CBL: variants seen among roughly 807,000 people sequenced by gnomAD.
The protein encoded by CBL is E3 ubiquitin-protein ligase CBL.
In CBL, 45 loss-of-function variants were observed where a neutral mutation model predicts 96.9. The observed-to-expected ratio is 0.46, with a 90% confidence interval of 0.37 to 0.60. The LOEUF is 0.60. Among genes scored for constraint, CBL ranks in the 20% least tolerant of loss-of-function variants. The pLI is 0.00. For missense variants in CBL, 1,024 were observed against 1,143.5 expected, an observed-to-expected ratio of 0.90 and a Z score of 1.51; for synonymous variants, 420 against 426.8, an observed-to-expected ratio of 0.98 and a Z score of 0.20.
chr11:119,207,000 G>C (rs370372606), intron 1 of CBL, among the ~76,000 whole-genome samples: 13 of 152,170 alleles, frequency 8.5e-5, no homozygotes, highest in East Asian at 3.9e-4. Context: ...TAGCAGGGAG[G>C]GGGTGAGGAA....
intron 1 of CBL, among the ~76,000 whole-genome samples, chr11:119,221,244 GA>G (rs564217596): frequency 0.022 from 2,935 of 131,136 alleles, 45 homozygotes; most frequent in Non-Finnish European, 0.033. Flanking sequence ...CTCCATCTCA[GA>G]AAAAAAAAAA....
chr11:119,270,464 T>TTTTTTTTG (rs1949837338), intron 2 of CBL, among the ~76,000 whole-genome samples: 1 of 93,080 alleles, frequency 1.1e-5, no homozygotes, highest in Non-Finnish European at 2.1e-5. Context: ...TTTTTTTTTT[T>TTTTTTTTG]GAGACGGAGT....
chr11:119,242,044 A>G (rs1949590404), intron 2 of CBL, among the ~76,000 whole-genome samples: 1 of 152,202 alleles, frequency 6.6e-6, no homozygotes, highest in East Asian at 1.9e-4. Flanking sequence ...GAAAATAGGT[A>G]AGGTCTTGTG....
intron 1 of CBL, among the ~76,000 whole-genome samples, chr11:119,228,358 C>G (rs1949475147): frequency 6.6e-6 from 1 of 152,174 alleles, no homozygotes; most frequent in African/African-American, 2.4e-5. Context: ...AGACACAAAG[C>G]ATTTTGGGAG....
At chr11:119,232,231 C>T (rs978875200) in intron 1 of CBL, among the ~76,000 whole-genome samples, 2 of 152,146 alleles carry the variant, frequency 1.3e-5, no homozygotes, top group African/African-American at 4.8e-5. Flanking sequence ...TACCATTAGT[C>T]TCTCAAACGG....
At chr11:119,231,711 A>AAAAC (rs564610744) in intron 1 of CBL, among the ~76,000 whole-genome samples, 33 of 152,288 alleles carry the variant, frequency 2.2e-4, no homozygotes, top group African/African-American at 7.2e-4. Context: ...TCTGTCTCAA[A>AAAAC]AAACAAACAA....
At chr11:119,215,000 T>G (rs1295819792) in intron 1 of CBL, among the ~76,000 whole-genome samples, 2 of 151,978 alleles carry the variant, frequency 1.3e-5, no homozygotes, top group Non-Finnish European at 2.9e-5. Context: ...AAACATGATT[T>G]GTGTTTTATG....
chr11:119,233,473 A>T (rs1233082022), intron 2 of CBL, among the ~76,000 whole-genome samples: 1 of 152,142 alleles, frequency 6.6e-6, no homozygotes, highest in Non-Finnish European at 1.5e-5. Flanking sequence ...ACTTCAGGTG[A>T]TCTGCCCGCT....
chr11:119,245,298 TC>T (rs1334767516), intron 2 of CBL, among the ~76,000 whole-genome samples: 1 of 152,008 alleles, frequency 6.6e-6, no homozygotes, highest in Non-Finnish European at 1.5e-5. Context: ...TTTGAGGACC[TC>T]AAAGAGCTTT....
chr11:119,276,765 C>T (rs1235172968), intron 6 of CBL, among the ~76,000 whole-genome samples: 1 of 152,204 alleles, frequency 6.6e-6, no homozygotes, highest in African/African-American at 2.4e-5. Flanking sequence ...CTTTTACTTA[C>T]AATAGCATTG....
chr11:119,288,342 C>A lies in CBL; in HGVS notation c.2036+396C>A, dbSNP rs114973231. Among the ~76,000 whole-genome samples, 467 of 152,242 alleles carry A rather than the reference C, an allele frequency of 3.1e-3. 1 individual carries two copies. The highest frequency in any genetic ancestry group is 0.01 in the African/African-American group (422 of 41,548). On this transcript the variant is annotated intron_variant, in intron 12 of 15. Transcript: ENST00000264033. Reference sequence around the variant, plus strand: ...ACCACATATTGGGTGGTTTAAATAGCAGAAATTTATTTTCCCTGAGTTCTG... The same window carrying A: ...ACCACATATTGGGTGGTTTAAATAGAAGAAATTTATTTTCCCTGAGTTCTG...
intron 1 of CBL, among the ~76,000 whole-genome samples, chr11:119,224,288 TTTG>T (rs1370806432): frequency 6.6e-6 from 1 of 152,304 alleles, no homozygotes; most frequent in Non-Finnish European, 1.5e-5. Context: ...AGTTTAGTTT[TTTG>T]TTGTTGTTGA....
At chr11:119,263,646 C>T (rs369793432) in intron 2 of CBL, among the ~76,000 whole-genome samples, 2 of 152,116 alleles carry the variant, frequency 1.3e-5, no homozygotes, top group East Asian at 1.9e-4. Flanking sequence ...TGATGGTTTT[C>T]GTTTTGTTTT....
intron 9 of CBL, among the ~76,000 whole-genome samples, chr11:119,282,293 G>T (rs930956698): frequency 6.7e-6 from 1 of 149,642 alleles, no homozygotes; most frequent in Non-Finnish European, 1.5e-5. Flanking sequence ...AGCTGAGATC[G>T]CACTATTTCA....
Position 119,306,703 on chromosome 11 carries a change from G to C in CBL, c.*6922G>C. The C allele has an allele frequency of 3.8e-6, 1 of 260,580 alleles. No homozygotes were observed. Among genetic ancestry groups the C allele is most frequent in the East Asian group, 5.6e-5 (1 of 17,758 alleles). 16.1% of individuals were successfully genotyped at this position (260,580 alleles called of 1,614,324 possible). A position where few individuals can be genotyped will look rare whatever the true frequency, so the allele number is the denominator to read the frequency against. ...CATGGCCTGTTTCTCCTGCTGTCTG[G>C]GTGAGTGAGCCTGCAACGCAATGCC... On this transcript the variant is annotated 3_prime_UTR_variant, in exon 16 of 16. Transcript: ENST00000264033.
chr11:119,209,428 G>C (rs1296189523), intron 1 of CBL, among the ~76,000 whole-genome samples: 2 of 152,148 alleles, frequency 1.3e-5, no homozygotes, highest in Non-Finnish European at 2.9e-5. Context: ...GACCAGCTCT[G>C]CCAACATGGT....
At chr11:119,277,270 C>CACACACACACAT (rs993033451) in intron 6 of CBL, among the ~76,000 whole-genome samples, 1 of 151,578 alleles carries the variant, frequency 6.6e-6, no homozygotes, top group Non-Finnish European at 1.5e-5. Context: ...CACACACACA[C>CACACACACACAT]ATAAAGAATT....
chr11:119,279,885 TAAG>T (rs1386295156), intron 9 of CBL, among the ~76,000 whole-genome samples: 1 of 152,244 alleles, frequency 6.6e-6, no homozygotes, highest in Non-Finnish European at 1.5e-5. Flanking sequence ...CTATATGGGA[TAAG>T]AAGTCTAAGA....
intron 2 of CBL, among the ~76,000 whole-genome samples, chr11:119,245,941 G>A (rs1030274487): frequency 1.5e-5 from 2 of 131,864 alleles, no homozygotes; most frequent in East Asian, 2.2e-4. Context: ...TAAGACAGAC[G>A]CATTCTTTGC....
Sources: allele counts gnomAD v4.1 joint callset (sites outside exome capture counted in the v4.1 genomes callset), GRCh38; gene constraint gnomAD v4.1.1; transcripts MANE v1.5; gene names NCBI Gene and HGNC (gene_info 2026-07-23, HGNC 2026-07-21).